Variants in SUGCT observed in about 807,000 individuals in gnomAD.
SUGCT encodes the protein succinyl-CoA:glutarate-CoA transferase, also known as succinyl-CoA:glutarate CoA-transferase.
SUGCT carries 41 observed loss-of-function variants against 55.0 expected under a neutral mutation model. That is an observed-to-expected ratio of 0.74 (90% CI 0.58 to 0.97). The LOEUF (loss-of-function observed/expected upper bound fraction) is 0.97, where lower values mean the gene tolerates loss of function less well. Ranked by LOEUF, SUGCT falls within the 50% of genes least tolerant of loss-of-function variation. The probability of loss-of-function intolerance (pLI) is 0.00; values close to 1 mark genes in which losing one functional copy is unlikely to be tolerated. For missense variants in SUGCT, 568 were observed against 547.8 expected (o/e 1.04, Z -0.37); for synonymous variants, 187 against 200.4 (o/e 0.93, Z 0.56).
intron 12 of SUGCT, among the ~76,000 whole-genome samples, chr7:40,671,468 G>T (rs536022532): frequency 5.0e-4 from 76 of 152,230 alleles, no homozygotes; most frequent in African/African-American, 1.8e-3. Context: ...GTTTACAAAT[G>T]ACATAATTTA....
At chr7:40,951,947 G>A in the SUGCT span, among the ~76,000 whole-genome samples, 15 of 152,210 alleles carry the variant, frequency 9.9e-5, no homozygotes, top group African/African-American at 3.6e-4. Context: ...TGGGTGGAGA[G>A]TTCTGTAGAT....
intron 1 of SUGCT, among the ~76,000 whole-genome samples, chr7:40,158,700 A>C (rs142314974): frequency 1.3e-5 from 2 of 152,342 alleles, no homozygotes; most frequent in East Asian, 3.9e-4. Flanking sequence ...CAGTGAGCTG[A>C]GATTGTGCCA....
At chr7:40,539,977 A>C (rs1794587435) in intron 12 of SUGCT, among the ~76,000 whole-genome samples, 1 of 152,202 alleles carries the variant, frequency 6.6e-6, no homozygotes, top group African/African-American at 2.4e-5. Context: ...TTATCCCTAT[A>C]TACTGGTTTT....
At chr7:40,539,018 G>T (rs1041984918) in intron 12 of SUGCT, 1 of 151,320 alleles carries the variant, frequency 6.6e-6, no homozygotes, top group African/African-American at 2.4e-5. Context: ...GGCAGAGCTT[G>T]CAGTGAGCTG....
chr7:40,271,697 C>T (rs189832635), intron 7 of SUGCT, among the ~76,000 whole-genome samples: 4 of 152,136 alleles, frequency 2.6e-5, no homozygotes, highest in Admixed American at 2.0e-4. Context: ...TCCAATTATT[C>T]CCTGCTAACT....
chr7:40,278,258 T>G (rs949468189), intron 8 of SUGCT, among the ~76,000 whole-genome samples: 1 of 152,100 alleles, frequency 6.6e-6, no homozygotes, highest in Non-Finnish European at 1.5e-5. Flanking sequence ...ATGGCAATCA[T>G]TAAAAAGTCA....
At chr7:40,676,056 G>C (rs1783962634) in intron 12 of SUGCT, among the ~76,000 whole-genome samples, 1 of 152,126 alleles carries the variant, frequency 6.6e-6, no homozygotes, top group South Asian at 2.1e-4. Flanking sequence ...TAATTGATTA[G>C]ATTTGGATGG....
the SUGCT span, chr7:40,965,764 C>A: frequency 6.6e-6 from 1 of 152,116 alleles, no homozygotes; most frequent in African/African-American, 2.4e-5. Context: ...GTAGAACATA[C>A]CATCTATGCA....
chr7:40,310,772 C>T (rs1795101344), intron 8 of SUGCT, among the ~76,000 whole-genome samples: 1 of 152,162 alleles, frequency 6.6e-6, no homozygotes, highest in Non-Finnish European at 1.5e-5. Flanking sequence ...GATGTCATAG[C>T]TTATTTAAAA....
chr7:40,212,877 A>C (rs1036925450), intron 6 of SUGCT, among the ~76,000 whole-genome samples: 1 of 152,174 alleles, frequency 6.6e-6, no homozygotes, highest in Non-Finnish European at 1.5e-5. Flanking sequence ...ATTGATAAGA[A>C]ACAAAAATAG....
At chr7:40,667,598 G>A (rs1268921409) in intron 12 of SUGCT, among the ~76,000 whole-genome samples, 1 of 150,282 alleles carries the variant, frequency 6.7e-6, no homozygotes, top group African/African-American at 2.4e-5. Context: ...TTTTTGGTAG[G>A]TTTTTAATTA....
chr7:40,657,832 C>T (rs1027564484), intron 12 of SUGCT, among the ~76,000 whole-genome samples: 1 of 152,304 alleles, frequency 6.6e-6, no homozygotes, highest in Non-Finnish European at 1.5e-5. Flanking sequence ...CTGCGCCCGG[C>T]CATGAAGTAG....
chr7:40,372,343 A>C (rs565138338), intron 9 of SUGCT, among the ~76,000 whole-genome samples: 8 of 152,180 alleles, frequency 5.3e-5, no homozygotes, highest in Middle Eastern at 3.4e-3. Context: ...TAATGTTAGC[A>C]AAGCACTTTG....
At chr7:40,698,214 T>A (rs1785019871) in intron 12 of SUGCT, among the ~76,000 whole-genome samples, 1 of 152,144 alleles carries the variant, frequency 6.6e-6, no homozygotes, top group Non-Finnish European at 1.5e-5. Context: ...AAAGGTGGTA[T>A]CTATGTAATC....
chr7:40,627,463 G>T (rs919605509), intron 12 of SUGCT, among the ~76,000 whole-genome samples: 1 of 152,084 alleles, frequency 6.6e-6, no homozygotes, highest in Non-Finnish European at 1.5e-5. Flanking sequence ...ACATTCCTAC[G>T]CAAACATCTG....
At chr7:40,219,831 A>C (rs1454836706) in intron 6 of SUGCT, among the ~76,000 whole-genome samples, 2 of 152,224 alleles carry the variant, frequency 1.3e-5, no homozygotes, top group African/African-American at 4.8e-5. Flanking sequence ...CTTGTTAATA[A>C]AAAATCTTTT....
chr7:40,262,277 C>G (rs1038313473), intron 7 of SUGCT, among the ~76,000 whole-genome samples: 1 of 152,114 alleles, frequency 6.6e-6, no homozygotes, highest in Non-Finnish European at 1.5e-5. Context: ...ACGTGCCCAT[C>G]CTGCCTGATC....
At chr7:40,757,029 C>T (rs941967727) in intron 13 of SUGCT, among the ~76,000 whole-genome samples, 8 of 152,248 alleles carry the variant, frequency 5.3e-5, no homozygotes, top group African/African-American at 1.4e-4. Context: ...GTTATTAAAT[C>T]CTTAACCCAT....
intron 9 of SUGCT, among the ~76,000 whole-genome samples, chr7:40,402,448 G>A (rs1320215936): frequency 9.2e-5 from 14 of 152,146 alleles, no homozygotes; most frequent in East Asian, 5.8e-4. Context: ...GTCAACTTAC[G>A]TTATAAGAGG....
Sources: allele counts gnomAD v4.1 joint callset (sites outside exome capture counted in the v4.1 genomes callset), GRCh38; gene constraint gnomAD v4.1.1; transcripts MANE v1.5; gene names NCBI Gene and HGNC (gene_info 2026-07-23, HGNC 2026-07-21).